The following RAB1A variants were observed in gnomAD, a reference collection of about 807,000 sequenced individuals.
RAB1A encodes RAB1A, member RAS oncogene family.
A neutral mutation model predicts 26.0 loss-of-function variants in RAB1A; 2 were observed. The observed-to-expected ratio is 0.08, with a 90% CI of 0.03 to 0.24. The LOEUF (loss-of-function observed/expected upper bound fraction) is 0.24, where lower values mean the gene tolerates loss of function less well. Among genes scored for constraint, RAB1A ranks in the 10% least tolerant of loss-of-function variants. The probability of loss-of-function intolerance (pLI) is 1.00; values close to 1 mark genes in which losing one functional copy is unlikely to be tolerated. For missense variants in RAB1A, 100 were observed against 247.0 expected (o/e 0.40, Z 3.99); for synonymous variants, 84 against 84.9 (o/e 0.99, Z 0.06).
chr2:65,127,778 G>C (rs548557125), intron 1 of RAB1A, among the ~76,000 whole-genome samples: 24 of 152,088 alleles, frequency 1.6e-4, no homozygotes, highest in Middle Eastern at 3.2e-3. Context: ...CTGTCGTCCA[G>C]GCTGGAGTGC....
At chr2:65,119,060 T>C (rs957950567) in intron 1 of RAB1A, among the ~76,000 whole-genome samples, 1 of 151,646 alleles carries the variant, frequency 6.6e-6, no homozygotes, top group Non-Finnish European at 1.5e-5. Context: ...ATACAAAAAC[T>C]GCCAGGCATG....
At position 65,096,606 on chromosome 2, in the gene RAB1A, G is replaced by A. The variant is rs1489762263; in HGVS notation, c.192+1365C>T. 1.6e-4 allele frequency among the ~76,000 whole-genome samples: 25 copies of A among 152,266 alleles called. 1 individual carries two copies. ...TGGTGCCAAATAAAAGGTTGAGACT[G>A]TACTTATATCGTGGGAAAAAATATG... is the stretch of plus-strand genomic sequence containing the variant. On this transcript the variant is annotated intron_variant, in intron 3 of 5. Coordinates refer to ENST00000409784, the MANE Select transcript of RAB1A (RefSeq NM_004161.5).
At chr2:65,122,965 CGTCTCAGACAAAAAAAAAAAAAAAAA>C (rs1173796635) in intron 1 of RAB1A, among the ~76,000 whole-genome samples, 1 of 129,106 alleles carries the variant, frequency 7.7e-6, no homozygotes, top group Non-Finnish European at 1.6e-5. Context: ...AACAAGACTC[CGTCTCAGACAAAAAAAAAAAAAAAAA>C]AAAAGCAAGC....
chr2:65,113,185 C>A (rs902907875), intron 1 of RAB1A, among the ~76,000 whole-genome samples: 2 of 152,160 alleles, frequency 1.3e-5, no homozygotes, highest in African/African-American at 4.8e-5. Flanking sequence ...CACCCCAGAA[C>A]CCTTGTTTCA....
intron 3 of RAB1A, among the ~76,000 whole-genome samples, chr2:65,095,218 A>G (rs1669254960): frequency 6.6e-6 from 1 of 152,132 alleles, no homozygotes; most frequent in East Asian, 1.9e-4. Flanking sequence ...TATGTTTTGC[A>G]AAGATGAGGT....
At chr2:65,112,087 A>T (rs1669712105) in intron 1 of RAB1A, among the ~76,000 whole-genome samples, 1 of 152,150 alleles carries the variant, frequency 6.6e-6, no homozygotes, top group Non-Finnish European at 1.5e-5. Context: ...CATCTCAAAA[A>T]AAACAAAACA....
At chr2:65,097,049 C>G (rs545537233) in intron 3 of RAB1A, among the ~76,000 whole-genome samples, 67 of 150,936 alleles carry the variant, frequency 4.4e-4, no homozygotes, top group African/African-American at 1.5e-3. Context: ...GATTCTCTAA[C>G]AGGTAAATAC....
At chr2:65,097,427 A>G (rs979438102) in intron 3 of RAB1A, among the ~76,000 whole-genome samples, 2 of 152,218 alleles carry the variant, frequency 1.3e-5, no homozygotes, top group Non-Finnish European at 2.9e-5. Context: ...AAGTCATTAA[A>G]TCTTTCAGCA....
intron 1 of RAB1A, among the ~76,000 whole-genome samples, chr2:65,113,279 C>G (rs909982375): frequency 1.3e-5 from 2 of 152,128 alleles, no homozygotes; most frequent in African/African-American, 4.8e-5. Flanking sequence ...ATGATCTGAA[C>G]ATAGTCTTGA....
chr2:65,110,759 C>A (rs1367318224), intron 1 of RAB1A, among the ~76,000 whole-genome samples: 1 of 151,716 alleles, frequency 6.6e-6, no homozygotes, highest in Non-Finnish European at 1.5e-5. Context: ...CATAGCAAAA[C>A]CCCCATCTCT....
intron 5 of RAB1A, 95 bp from the exon 6 acceptor site, chr2:65,088,785 G>A (rs887283932): frequency 1.5e-6 from 2 of 1,319,552 alleles, no homozygotes; most frequent in African/African-American, 1.5e-5. Context: ...GAGGAACTAA[G>A]TTCATTGGAT....
intron 1 of RAB1A, among the ~76,000 whole-genome samples, chr2:65,120,034 T>C (rs1266569996): frequency 2.6e-5 from 4 of 151,970 alleles, no homozygotes; most frequent in Non-Finnish European, 5.9e-5. Flanking sequence ...CATAAAGCAC[T>C]ACATAATTAT....
In RAB1A at chr2:65,089,027, C is replaced by A. The variant is rs777949330; in HGVS notation, c.332G>T (p.Arg111Leu). ...TTTGTTGACATTTTCACTGGCATAA[C>A]GATCTATTTCCTGCAGCCACTGTTT... ...NVKQWLQEIDRYASENVNKLL... is the reference protein window; with the variant it reads ...NVKQWLQEIDLYASENVNKLL... Residue 111 changes from arginine (R) to leucine (L), a missense_variant, in exon 5 of 6, where the codon CGT (arginine) becomes CTT (leucine). Arg to Leu is a moderately radical substitution (Grantham distance 102, BLOSUM62 -2). Transcript: ENST00000409784. 6.2e-7 allele frequency: 1 copy of A among 1,610,256 alleles called. No individual in the cohort carries two copies. The highest frequency in any genetic ancestry group is 8.5e-7 in the Non-Finnish European group (1 of 1,177,680).
intron 3 of RAB1A, among the ~76,000 whole-genome samples, chr2:65,091,415 T>C (rs1015399286): frequency 6.6e-6 from 1 of 152,178 alleles, no homozygotes; most frequent in Non-Finnish European, 1.5e-5. Context: ...ACAGAACTCT[T>C]CCATGTAAGA....
intron 1 of RAB1A, among the ~76,000 whole-genome samples, chr2:65,120,779 C>G (rs71424160): frequency 0.034 from 5,202 of 152,162 alleles, 126 homozygotes; most frequent in African/African-American, 0.067. Flanking sequence ...CAGAAAATAT[C>G]TATAAGGAGA....
chr2:65,109,770 C>T lies in RAB1A; in HGVS notation c.24-4964G>A, dbSNP rs1350258554. On this transcript the variant is annotated intron_variant, in intron 1 of 5. Transcript: ENST00000409784. ...TATGAAGATTTACAATTGTCACCCT[C>T]GTAAATTATTCTAGTAAATCCTATC... Among the ~76,000 whole-genome samples the T allele has an allele frequency of 4.6e-5, 7 of 151,980 alleles. No individual in the cohort carries two copies. In the East Asian group the frequency reaches 5.8e-4, roughly 13 times the overall value.
intron 2 of RAB1A, among the ~76,000 whole-genome samples, chr2:65,103,810 T>TG (rs1415500035): frequency 1.3e-5 from 2 of 151,998 alleles, no homozygotes; most frequent in African/African-American, 2.4e-5. Context: ...GAGACAGTCT[T>TG]GCTCTGTTGC....
intron 1 of RAB1A, among the ~76,000 whole-genome samples, chr2:65,118,314 G>A (rs1448467056): frequency 2.0e-5 from 3 of 151,952 alleles, no homozygotes; most frequent in Non-Finnish European, 1.5e-5. Context: ...TGTATTAACT[G>A]TTATATTGAT....
chr2:65,127,852 G>GC lies in RAB1A; in HGVS notation c.23+2040dup, dbSNP rs905987265. On this transcript the variant is annotated intron_variant, in intron 1 of 5. Transcript: ENST00000409784. ...GGGATCACGCCATTCTCCTGCCTCA[G>GC]CCTCTCGAGTAGCTGGGACTACAGG... is the stretch of plus-strand genomic sequence containing the variant. 2.6e-5 allele frequency among the ~76,000 whole-genome samples: 4 copies of GC among 152,128 alleles called. No individual in the cohort carries two copies. The East Asian group carries it at 7.7e-4, about 29-fold the overall frequency.
Sources: allele counts gnomAD v4.1 joint callset (sites outside exome capture counted in the v4.1 genomes callset), GRCh38; gene constraint gnomAD v4.1.1; transcripts MANE v1.5; gene names NCBI Gene and HGNC (gene_info 2026-07-23, HGNC 2026-07-21).